The following EFCAB5 variants were observed in gnomAD, a reference collection of about 807,000 sequenced individuals.
EFCAB5 encodes the protein EF-hand calcium-binding domain-containing protein 5.
A neutral mutation model predicts 167.9 loss-of-function variants in EFCAB5; 131 were observed. That is an observed-to-expected ratio of 0.78 (90% CI 0.68 to 0.90). EFCAB5 has a LOEUF of 0.90. EFCAB5 is among the 40% of genes least tolerant of loss of function. EFCAB5 has a pLI of 0.00. For synonymous variants in EFCAB5, 574 were observed against 602.8 expected (o/e 0.95, Z 0.70); for missense variants, 1,663 against 1,745.2 (o/e 0.95, Z 0.84).
At chr17:30,093,258 C>T (rs1725298278) in intron 22 of EFCAB5, among the ~76,000 whole-genome samples, 1 of 152,078 alleles carries the variant, frequency 6.6e-6, no homozygotes, top group South Asian at 2.1e-4. Context: ...TAATAAATAA[C>T]CAAAGAAAAT....
intron 14 of EFCAB5, among the ~76,000 whole-genome samples, chr17:30,076,926 G>A (rs1048532745): frequency 6.6e-6 from 1 of 152,196 alleles, no homozygotes; most frequent in African/African-American, 2.4e-5. Flanking sequence ...AAACAACATG[G>A]AAGATATGTA....
chr17:29,947,422 G>A (rs1254171497), intron 3 of EFCAB5, among the ~76,000 whole-genome samples: 1 of 152,020 alleles, frequency 6.6e-6, no homozygotes, highest in East Asian at 1.9e-4. Flanking sequence ...GAAGTGGGAG[G>A]GTGGAAGGAG....
intron 22 of EFCAB5, among the ~76,000 whole-genome samples, chr17:30,103,742 C>T (rs1176539735): frequency 6.6e-6 from 1 of 152,214 alleles, no homozygotes; most frequent in Non-Finnish European, 1.5e-5. Context: ...TGACCGGGCG[C>T]AGTGGCTCAC....
At chr17:30,027,867 T>C (rs1597693011) in intron 7 of EFCAB5, among the ~76,000 whole-genome samples, 1 of 152,294 alleles carries the variant, frequency 6.6e-6, no homozygotes, top group African/African-American at 2.4e-5. Flanking sequence ...CCCAATACAT[T>C]CTTCTTTACT....
At chr17:30,059,422 C>T in intron 13 of EFCAB5, 123 bp from the exon 14 acceptor site, 1 of 1,092,192 alleles carries the variant, frequency 9.2e-7, no homozygotes, top group Non-Finnish European at 1.3e-6. Flanking sequence ...TAATATCATG[C>T]TTAGCCTCAA....
At chr17:30,101,633 A>G (rs2071384199) in intron 22 of EFCAB5, among the ~76,000 whole-genome samples, 1 of 152,212 alleles carries the variant, frequency 6.6e-6, no homozygotes, top group African/African-American at 2.4e-5. Context: ...TGGTGAATAG[A>G]TGATTGGCAA....
chr17:30,043,338 C>G (rs2069827522), intron 8 of EFCAB5, among the ~76,000 whole-genome samples: 1 of 151,898 alleles, frequency 6.6e-6, no homozygotes, highest in Non-Finnish European at 1.5e-5. Flanking sequence ...ATAACAAGGA[C>G]AAGGCAAGGA....
intron 1 of EFCAB5, 37 bp from the exon 2 acceptor site, chr17:29,942,203 T>C: frequency 6.5e-7 from 1 of 1,538,244 alleles, no homozygotes; most frequent in East Asian, 2.4e-5. Flanking sequence ...CCACAGCTCT[T>C]TTTGGATGCC....
intron 16 of EFCAB5, 29 bp downstream of exon 16, chr17:30,080,270 A>G (rs1455011843): frequency 6.7e-7 from 1 of 1,501,342 alleles, no homozygotes; most frequent in Non-Finnish European, 8.8e-7. Flanking sequence ...GATTGGTTTC[A>G]CCCTCCTAAA....
In EFCAB5 at chr17:30,027,267, G is replaced by T. The variant is rs192533546; in HGVS notation, c.1045-6963G>T. Among the ~76,000 whole-genome samples, 156 of 145,076 alleles carry T rather than the reference G, an allele frequency of 1.1e-3. 2 individuals are homozygous for T. The highest frequency in any genetic ancestry group is 9.8e-3 in the Admixed American group (141 of 14,442). On this transcript the variant is annotated intron_variant, in intron 7 of 22. Coordinates refer to ENST00000394835, the MANE Select transcript of EFCAB5 (RefSeq NM_198529.4). ...CCCAAAGTGCTGGCATTACAGGCGT[G>T]AGCCACCATGCCCAGCCACACCAGT...
intron 1 of EFCAB5, among the ~76,000 whole-genome samples, chr17:29,931,378 A>G (rs572309635): frequency 2.0e-5 from 3 of 152,160 alleles, no homozygotes; most frequent in Admixed American, 6.5e-5. Context: ...TAAACGCCAC[A>G]AGAGTCCTCT....
At chr17:30,093,384 TACAA>T (rs1475837601) in intron 22 of EFCAB5, among the ~76,000 whole-genome samples, 1 of 152,172 alleles carries the variant, frequency 6.6e-6, no homozygotes, top group South Asian at 2.1e-4. Flanking sequence ...AGAGTAAATA[TACAA>T]ACAGAGGCCC....
Position 30,107,927 on chromosome 17 carries a change from C to A in EFCAB5, c.4415C>A (p.Thr1472Asn). 6.2e-7 allele frequency: 1 copy of A among 1,611,446 alleles called. No homozygotes were observed. The highest frequency in any genetic ancestry group is 1.1e-5 in the South Asian group (1 of 90,572). ...ATCTGTTCAGCTCTCATGAAGATAA[C>A]CAAACAACTAAATAGTGGTATTACA... ...IHICSALMKI[T>N]KQLNSGITPP... Residue 1472 changes from threonine (T) to asparagine (N), a missense_variant, in exon 23 of 23, where the codon ACC becomes AAC. Transcript: ENST00000394835.
At chr17:29,994,176 A>ATATATG (rs1491374562) in intron 5 of EFCAB5, among the ~76,000 whole-genome samples, 5 of 120,782 alleles carry the variant, frequency 4.1e-5, no homozygotes, top group African/African-American at 1.3e-4. Flanking sequence ...ATATATATAT[A>ATATATG]TGTGATATAT....
intron 14 of EFCAB5, among the ~76,000 whole-genome samples, chr17:30,069,941 T>C (rs2070688423): frequency 6.6e-6 from 1 of 152,174 alleles, no homozygotes; most frequent in Non-Finnish European, 1.5e-5. Context: ...GATTAGCTGC[T>C]CCTGAACTTG....
rs1218889585 is a variant in EFCAB5 at position 30,056,261 on chromosome 17, G to C, written c.2365+105G>C. On this transcript the variant is annotated intron_variant, in intron 12 of 22. Coordinates refer to ENST00000394835, the MANE Select transcript of EFCAB5 (RefSeq NM_198529.4). Reference sequence around the variant, plus strand: ...ACTGAATTTAGCTAAGGCAGAATGGGAAGGTGTTCCTTGCATTATTTTGTC... The same window carrying C: ...ACTGAATTTAGCTAAGGCAGAATGGCAAGGTGTTCCTTGCATTATTTTGTC... 2.9e-6 allele frequency: 3 copies of C among 1,023,986 alleles called. No individual in the cohort carries two copies. In the African/African-American group the frequency reaches 4.9e-5, roughly 17 times the overall value. 63.4% of individuals were successfully genotyped at this position (1,023,986 alleles called of 1,614,324 possible). A position where few individuals can be genotyped will look rare whatever the true frequency, so the allele number is the denominator to read the frequency against.
chr17:29,958,852 C>T (rs1173111504), intron 3 of EFCAB5, among the ~76,000 whole-genome samples: 4 of 152,156 alleles, frequency 2.6e-5, no homozygotes, highest in African/African-American at 9.7e-5. Context: ...TTAGAGGGCA[C>T]CCCAAACCCA....
chr17:30,068,615 C>T (rs1166966777), intron 14 of EFCAB5: 5 of 1,470,076 alleles, frequency 3.4e-6, no homozygotes, highest in Non-Finnish European at 4.5e-6. Context: ...GTGGGGCTGC[C>T]TGTGCGGGTC....
At position 30,012,937 on chromosome 17, in the gene EFCAB5, G is replaced by C. The variant is rs542310458; in HGVS notation, c.1044+12961G>C. ...CCCATTCAGTATGATATTGGCTGTG[G>C]GTTTGTCATAAATAGCTCTTATTAT... On this transcript the variant is annotated intron_variant, in intron 7 of 22. Coordinates refer to ENST00000394835, the MANE Select transcript of EFCAB5 (RefSeq NM_198529.4). Among the ~76,000 whole-genome samples, 9 of 152,202 alleles carry C rather than the reference G, an allele frequency of 5.9e-5. No homozygotes were observed. The South Asian group carries it at 1.9e-3, about 32-fold the overall frequency.
Sources: allele counts gnomAD v4.1 joint callset (sites outside exome capture counted in the v4.1 genomes callset), GRCh38; gene constraint gnomAD v4.1.1; transcripts MANE v1.5; gene names NCBI Gene and HGNC (gene_info 2026-07-23, HGNC 2026-07-21).